The following SNW1 variants were observed in gnomAD, a reference collection of about 807,000 sequenced individuals.
SNW1 encodes the protein SNW domain-containing protein 1.
SNW1 carries 9 observed loss-of-function variants against 75.6 expected under a neutral mutation model. The observed-to-expected ratio is 0.12, with a 90% CI of 0.07 to 0.21. The LOEUF is 0.21. Ranked by LOEUF, SNW1 falls within the 10% of genes least tolerant of loss-of-function variation. SNW1 has a pLI of 1.00. For missense variants in SNW1, 409 were observed against 670.9 expected (o/e 0.61, Z 4.31); for synonymous variants, 200 against 219.1 (o/e 0.91, Z 0.77).
At chr14:77,721,519 GC>G (rs957092066) in intron 11 of SNW1, among the ~76,000 whole-genome samples, 5 of 152,064 alleles carry the variant, frequency 3.3e-5, no homozygotes, top group African/African-American at 1.2e-4. Flanking sequence ...CGTTTTGAGG[GC>G]CCAATTTATC....
rs2080659783 is a variant in SNW1, at chr14:77,735,056, T to C, written c.709-44A>G. ...AAGAGACAAGTTTAGATTTATAGTC[T>C]ACAAAGTAAATCTAAGTATAATCTT... On this transcript the variant is annotated intron_variant, in intron 7 of 13. Coordinates refer to ENST00000261531, the MANE Select transcript of SNW1 (RefSeq NM_012245.3). 3.6e-6 allele frequency: 5 copies of C among 1,381,896 alleles called. No homozygotes were observed. In the East Asian group the frequency reaches 6.9e-5, roughly 19 times the overall value. 85.6% of individuals were successfully genotyped at this position (1,381,896 alleles called of 1,614,324 possible).
intron 4 of SNW1, 22 bp from the exon 5 acceptor site, chr14:77,738,906 T>G: frequency 6.2e-7 from 1 of 1,610,796 alleles, no homozygotes; most frequent in Non-Finnish European, 8.5e-7. Flanking sequence ...AATATCACAT[T>G]GAGAGTTTGG....
chr14:77,727,304 C>G (rs940508918), intron 10 of SNW1, among the ~76,000 whole-genome samples: 2 of 152,134 alleles, frequency 1.3e-5, no homozygotes, highest in Non-Finnish European at 2.9e-5. Flanking sequence ...TTGCCCATCT[C>G]AGCCTCCCAA....
chr14:77,757,826 CTTTA>C (rs921741738), intron 1 of SNW1, among the ~76,000 whole-genome samples: 1 of 152,188 alleles, frequency 6.6e-6, no homozygotes, highest in African/African-American at 2.4e-5. Flanking sequence ...CACTCACCAT[CTTTA>C]TTTCACTACA....
intron 12 of SNW1, among the ~76,000 whole-genome samples, chr14:77,720,150 T>C (rs985743988): frequency 6.6e-6 from 1 of 152,208 alleles, no homozygotes; most frequent in Non-Finnish European, 1.5e-5. Context: ...AGAGGCACTT[T>C]TGTAGGACAC....
At chr14:77,749,801 A>G (rs1298372119) in intron 3 of SNW1, among the ~76,000 whole-genome samples, 1 of 152,248 alleles carries the variant, frequency 6.6e-6, no homozygotes, top group Non-Finnish European at 1.5e-5. Flanking sequence ...CTAACAGGAA[A>G]GAGCCGTTAG....
At chr14:77,725,274 C>A (rs1184794456) in intron 10 of SNW1, among the ~76,000 whole-genome samples, 1 of 152,176 alleles carries the variant, frequency 6.6e-6, no homozygotes, top group Non-Finnish European at 1.5e-5. Flanking sequence ...CCATTTTCTT[C>A]CATTCTGTAG....
intron 6 of SNW1, 139 bp from the exon 7 acceptor site, chr14:77,736,145 A>G: frequency 1.8e-6 from 1 of 566,290 alleles, no homozygotes. Context: ...TACATTTACC[A>G]CTCCACTTTG....
At chr14:77,723,930 C>A (rs561252622) in intron 10 of SNW1, among the ~76,000 whole-genome samples, 37 of 152,294 alleles carry the variant, frequency 2.4e-4, no homozygotes, top group Non-Finnish European at 4.3e-4. Context: ...TATTTTTTAA[C>A]CTTAGAAAAT....
At chr14:77,759,812 G>GT (rs549946063) in intron 1 of SNW1, among the ~76,000 whole-genome samples, 1,576 of 146,668 alleles carry the variant, frequency 0.011, 35 homozygotes, top group African/African-American at 0.036. Context: ...CCTATTTCTA[G>GT]TTTTTTTTTA....
At chr14:77,730,842 A>G (rs568170099) in intron 10 of SNW1, 146 bp downstream of exon 10, 1 of 802,788 alleles carries the variant, frequency 1.2e-6, no homozygotes, top group Admixed American at 2.9e-5. Context: ...TAAGGCAGAG[A>G]TTACTCTCCA....
chr14:77,722,604 C>A, intron 11 of SNW1: 1 of 396,254 alleles, frequency 2.5e-6, no homozygotes, highest in South Asian at 1.8e-5. Context: ...AATCTGATCT[C>A]GATTCCGTTT....
Position 77,761,119 on chromosome 14 carries a change from G to A in SNW1, c.9C>T (p.Leu3=), listed in dbSNP as rs987825016. ...GACCCCAATCAACAACCCACCTGGT[G>A]AGCGCCATCTTCTTCCGCTTCTTCC... MA[L]TSFLPAPTQL... is the part of the protein sequence containing the mutation. Residue 3 remains leucine, a synonymous_variant, in exon 1 of 14, where the codon CTC becomes CTT. Transcript: ENST00000261531. The A allele has an allele frequency of 5.6e-6, 9 of 1,614,210 alleles. No individual in the cohort carries two copies. The highest frequency in any genetic ancestry group is 2.2e-5 in the South Asian group (2 of 91,066).
chr14:77,722,350 T>C (rs971596064), intron 11 of SNW1: 1 of 324,034 alleles, frequency 3.1e-6, no homozygotes, highest in Non-Finnish European at 6.1e-6. Flanking sequence ...ATTTTATGGA[T>C]AGCTCTGTCT....
chr14:77,743,842 C>A (rs180814126), intron 3 of SNW1, among the ~76,000 whole-genome samples: 1 of 152,236 alleles, frequency 6.6e-6, no homozygotes, highest in East Asian at 1.9e-4. Flanking sequence ...AATCAAAGTG[C>A]TCCCCCAGTG....
chr14:77,757,819 T>C (rs1042284213), intron 1 of SNW1, among the ~76,000 whole-genome samples: 1 of 152,220 alleles, frequency 6.6e-6, no homozygotes, highest in Non-Finnish European at 1.5e-5. Context: ...TCCCCAGCAC[T>C]CACCATCTTT....
intron 12 of SNW1, among the ~76,000 whole-genome samples, chr14:77,718,741 T>C (rs2080512067): frequency 6.7e-6 from 1 of 150,272 alleles, no homozygotes; most frequent in Non-Finnish European, 1.5e-5. Flanking sequence ...AGACAGAGTC[T>C]CACTCTGTCA....
Position 77,718,498 on chromosome 14 carries a change from ATCT to A in SNW1, c.1278_1280del (p.Glu426del). ...CTTGATCATAAACATTATAAATTTC[ATCT>A]TCTCCACCTGCAAATCCACTGTCCA... On this transcript the variant is annotated inframe_deletion, in exon 13 of 14. Transcript: ENST00000261531. The A allele has an allele frequency of 6.2e-7, 1 of 1,613,058 alleles. No homozygotes were observed. The highest frequency in any genetic ancestry group is 8.5e-7 in the Non-Finnish European group (1 of 1,179,214).
At chr14:77,727,454 C>T (rs1595076744) in intron 10 of SNW1, among the ~76,000 whole-genome samples, 1 of 152,222 alleles carries the variant, frequency 6.6e-6, no homozygotes, top group Non-Finnish European at 1.5e-5. Flanking sequence ...AAGTGGGCAT[C>T]CTTGCCTTCT....
Sources: allele counts gnomAD v4.1 joint callset (sites outside exome capture counted in the v4.1 genomes callset), GRCh38; gene constraint gnomAD v4.1.1; transcripts MANE v1.5; gene names NCBI Gene and HGNC (gene_info 2026-07-23, HGNC 2026-07-21).